Variants in PCCB observed in about 807,000 individuals in gnomAD.
The protein encoded by PCCB is propionyl-CoA carboxylase subunit beta.
PCCB carries 43 observed loss-of-function variants against 60.7 expected under a neutral mutation model. The ratio of observed to expected loss-of-function variants is 0.71; its 90% CI spans 0.55 to 0.91. The LOEUF is 0.91. Ranked by LOEUF, PCCB falls within the 40% of genes least tolerant of loss-of-function variation. The pLI is 0.00. For synonymous variants in PCCB, 276 were observed against 255.9 expected (o/e 1.08, Z -0.75); for missense variants, 766 against 702.8 (o/e 1.09, Z -1.02).
intron 10 of PCCB, among the ~76,000 whole-genome samples, chr3:136,320,751 A>G (rs138899706): frequency 1.3e-5 from 2 of 152,270 alleles, no homozygotes; most frequent in Non-Finnish European, 2.9e-5. Flanking sequence ...TTTTCTATAT[A>G]TAGGGTCATA....
chr3:136,326,187 G>C, intron 10 of PCCB: 1 of 580,752 alleles, frequency 1.7e-6, no homozygotes, highest in Non-Finnish European at 3.0e-6. Context: ...TTATGTTTTT[G>C]GTCTGTATTC....
intron 9 of PCCB, among the ~76,000 whole-genome samples, chr3:136,305,134 G>T (rs1309667209): frequency 8.4e-6 from 1 of 118,722 alleles, no homozygotes; most frequent in African/African-American, 2.6e-5. Context: ...TAACTCTGTT[G>T]CCCAGGCCAG....
At chr3:136,256,461 G>A (rs1057118940) in intron 2 of PCCB, 94 bp from the exon 3 acceptor site, 2 of 899,306 alleles carry the variant, frequency 2.2e-6, no homozygotes, top group Admixed American at 1.8e-5. Flanking sequence ...AGGAATTTGG[G>A]TTTTGTTTTT....
intron 5 of PCCB, among the ~76,000 whole-genome samples, chr3:136,268,091 T>TAGATAG (rs1464366704): frequency 4.0e-5 from 2 of 49,656 alleles, no homozygotes; most frequent in Admixed American, 1.8e-4. Context: ...TGTGTAGATA[T>TAGATAG]ATATATATAT....
intron 5 of PCCB, among the ~76,000 whole-genome samples, chr3:136,274,506 G>A (rs1161979255): frequency 6.6e-6 from 1 of 152,074 alleles, no homozygotes; most frequent in African/African-American, 2.4e-5. Context: ...AGTCTGATTG[G>A]TTTTCCTTTA....
intron 10 of PCCB, among the ~76,000 whole-genome samples, chr3:136,320,677 A>C (rs1210581274): frequency 6.6e-6 from 1 of 152,212 alleles, no homozygotes; most frequent in Non-Finnish European, 1.5e-5. Context: ...AATGCTGGTG[A>C]ATATTGTGAA....
rs375279292 is a variant in PCCB at position 136,260,446 on chromosome 3, T to C, written c.373-33T>C. 99 of 1,566,060 alleles carry C rather than the reference T, an allele frequency of 6.3e-5. No individual in the cohort carries two copies. In the African/African-American group the frequency reaches 1.2e-3, roughly 19 times the overall value. On this transcript the variant is annotated intron_variant, in intron 3 of 14. Transcript: ENST00000251654. Reference sequence around the variant, plus strand: ...GGTTTTCATCTCTAGCCAGTCACTATATTTGACTTGCTGATTTGTATTTTC... The same window carrying C: ...GGTTTTCATCTCTAGCCAGTCACTACATTTGACTTGCTGATTTGTATTTTC...
chr3:136,262,129 GC>G (rs1412957448), intron 5 of PCCB, 64 bp downstream of exon 5: 1 of 1,036,512 alleles, frequency 9.6e-7, no homozygotes, highest in Non-Finnish European at 1.5e-6. Flanking sequence ...CCATGGCCTG[GC>G]CAGAGCTTCT....
intron 8 of PCCB, among the ~76,000 whole-genome samples, chr3:136,299,297 C>CAT (rs1007973805): frequency 1.3e-5 from 2 of 151,584 alleles, no homozygotes; most frequent in Admixed American, 6.6e-5. Context: ...TACGTATATG[C>CAT]ATATATATGT....
chr3:136,297,924 CA>C (rs1298046827), intron 7 of PCCB, 27 bp from the exon 8 acceptor site: 58 of 1,613,854 alleles, frequency 3.6e-5, no homozygotes, highest in Non-Finnish European at 4.8e-5. Flanking sequence ...TACCCTGACT[CA>C]ATCATATATG....
At chr3:136,322,668 G>A (rs1935149309) in intron 10 of PCCB, among the ~76,000 whole-genome samples, 1 of 152,192 alleles carries the variant, frequency 6.6e-6, no homozygotes, top group Non-Finnish European at 1.5e-5. Flanking sequence ...ATTTGCCCAT[G>A]TAGTCATCTT....
At chr3:136,294,777 T>A (rs1485332149) in intron 7 of PCCB, among the ~76,000 whole-genome samples, 1 of 152,018 alleles carries the variant, frequency 6.6e-6, no homozygotes, top group Non-Finnish European at 1.5e-5. Context: ...ACCCAGGTAA[T>A]TTTTATTTTT....
intron 6 of PCCB, among the ~76,000 whole-genome samples, chr3:136,292,634 A>G (rs1933747773): frequency 6.6e-6 from 1 of 152,240 alleles, no homozygotes; most frequent in Non-Finnish European, 1.5e-5. Flanking sequence ...AACAGTGTGT[A>G]TTGAACTCTA....
intron 9 of PCCB, among the ~76,000 whole-genome samples, chr3:136,303,265 T>C (rs1003222250): frequency 8.2e-6 from 1 of 122,570 alleles, no homozygotes; most frequent in African/African-American, 2.5e-5. Context: ...CTAATTTATA[T>C]CTTTTTTCAT....
At chr3:136,261,318 T>A (rs1941817453) in intron 4 of PCCB, among the ~76,000 whole-genome samples, 1 of 152,224 alleles carries the variant, frequency 6.6e-6, no homozygotes, top group African/African-American at 2.4e-5. Flanking sequence ...ATAGACATGG[T>A]CCTGTCATGT....
In PCCB at chr3:136,316,899, G is replaced by C. The variant is rs77495412; in HGVS notation, c.967-42G>C. 1.4e-3 allele frequency: 2,202 copies of C among 1,610,258 alleles called. 30 individuals are homozygous for C. In the African/African-American group the frequency reaches 0.026, roughly 19 times the overall value. ...TGTAGTGTCATTACATCTTATACTT[G>C]TCTTTACCATTTTGAGCTCAGAAGT... On this transcript the variant is annotated intron_variant, in intron 9 of 14. Transcript: ENST00000251654.
chr3:136,278,455 A>G (rs1306327431), intron 5 of PCCB, among the ~76,000 whole-genome samples: 1 of 152,176 alleles, frequency 6.6e-6, no homozygotes, highest in Non-Finnish European at 1.5e-5. Context: ...TGGGAGAGGC[A>G]TGCTAACACT....
intron 5 of PCCB, among the ~76,000 whole-genome samples, chr3:136,264,448 G>GTGTATATATATATA (rs1015530159): frequency 9.3e-6 from 1 of 107,224 alleles, no homozygotes; most frequent in East Asian, 2.0e-4. Context: ...GTGTATATAT[G>GTGTATATATATATA]TATATATATA....
At chr3:136,314,764 G>A (rs1277320894) in intron 9 of PCCB, among the ~76,000 whole-genome samples, 1 of 152,184 alleles carries the variant, frequency 6.6e-6, no homozygotes, top group Non-Finnish European at 1.5e-5. Flanking sequence ...GTGGCTGCTA[G>A]GATGCTAAAC....
Sources: gnomAD v4.1 joint callset for allele counts (sites outside exome capture counted in the v4.1 genomes callset) on GRCh38, gnomAD v4.1.1 for gene constraint, MANE v1.5 for transcripts, NCBI Gene and HGNC (gene_info 2026-07-23, HGNC 2026-07-21) for gene names.